The following COL28A1 variants were observed in gnomAD, a reference collection of about 807,000 sequenced individuals.
The protein encoded by COL28A1 is collagen type XXVIII alpha 1 chain, also known as collagen alpha-1(XXVIII) chain.
Under a neutral mutation model 150.2 loss-of-function variants are expected in COL28A1, and 161 were observed. The observed-to-expected ratio is 1.07, with a 90% CI of 0.94 to 1.22. The LOEUF (loss-of-function observed/expected upper bound fraction) is 1.22, where lower values mean the gene tolerates loss of function less well. Ranked by LOEUF, COL28A1 falls within the 50% of genes most tolerant of loss-of-function variation. The pLI is 0.00. For synonymous variants in COL28A1, 552 were observed against 469.7 expected (o/e 1.18, Z -2.26); for missense variants, 1,617 against 1,388.3 (o/e 1.16, Z -2.62).
At chr7:7,482,934 G>T (rs1007721619) in intron 13 of COL28A1, among the ~76,000 whole-genome samples, 11 of 152,188 alleles carry the variant, frequency 7.2e-5, no homozygotes, top group African/African-American at 2.7e-4. Flanking sequence ...TGTGTGGTGG[G>T]AAGAAGGCTA....
intron 4 of COL28A1, among the ~76,000 whole-genome samples, chr7:7,523,623 G>A (rs2115213511): frequency 6.6e-6 from 1 of 152,278 alleles, no homozygotes; most frequent in East Asian, 1.9e-4. Flanking sequence ...ACAAAGCTCA[G>A]ATGTTCCAAA....
At position 7,381,539 on chromosome 7, in the gene COL28A1, C is replaced by T. The variant is rs1004305202; in HGVS notation, c.2205+5G>A. On this transcript the variant is annotated splice_donor_5th_base_variant and intron_variant, in intron 28 of 34. Coordinates refer to ENST00000399429, the MANE Select transcript of COL28A1 (RefSeq NM_001037763.3). The stretch of plus-strand genomic sequence containing the variant: ...AGCATTTCTCTAAGATCCTGAGACA[C>T]TTACCTTCTGGCCTGGGAGGCCATG... The T allele has an allele frequency of 3.1e-6, 5 of 1,611,520 alleles. No homozygotes were observed. The African/African-American group carries it at 5.3e-5, about 17-fold the overall frequency.
the COL28A1 span, among the ~76,000 whole-genome samples, chr7:7,340,114 T>C: frequency 3.3e-5 from 5 of 151,896 alleles, no homozygotes; most frequent in Non-Finnish European, 2.9e-5. Context: ...CCTCAGCCTC[T>C]GGAGTAGCTG....
chr7:7,463,325 T>C (rs1787791622), intron 15 of COL28A1, among the ~76,000 whole-genome samples: 2 of 152,218 alleles, frequency 1.3e-5, no homozygotes, highest in African/African-American at 2.4e-5. Flanking sequence ...TTTAATAACA[T>C]ATTATATCGA....
chr7:7,413,504 G>C (rs990363532), intron 27 of COL28A1, among the ~76,000 whole-genome samples: 6 of 152,150 alleles, frequency 3.9e-5, no homozygotes, highest in African/African-American at 1.4e-4. Flanking sequence ...CGCGCAACTA[G>C]TTCTCACCAA....
In COL28A1 at chr7:7,531,600, T is replaced by A. The variant is rs759650437; in HGVS notation, c.429A>T (p.Leu143=). The change falls in exon 3 of 35, where the codon CTA becomes CTT. Residue 143 remains leucine, a synonymous_variant. Coordinates refer to ENST00000399429, the MANE Select transcript of COL28A1 (RefSeq NM_001037763.3). ...CATCCTTACGCCCTTCTCTCTTAAGTAGCCTAGTGGCATTGGAAATGGCAT... is the reference window on the plus strand; with the variant it reads ...CATCCTTACGCCCTTCTCTCTTAAGAAGCCTAGTGGCATTGGAAATGGCAT... ...SYYAISNATR[L]LKREGRKDGV... 8.1e-6 allele frequency: 13 copies of A among 1,605,048 alleles called. No individual in the cohort carries two copies. The Admixed American group carries it at 1.0e-4, about 12-fold the overall frequency.
chr7:7,343,023 A>C, the COL28A1 span, among the ~76,000 whole-genome samples: 2 of 152,062 alleles, frequency 1.3e-5, no homozygotes, highest in Non-Finnish European at 2.9e-5. Flanking sequence ...CTTCCAAAAC[A>C]TGAAAGATAC....
intron 20 of COL28A1, among the ~76,000 whole-genome samples, chr7:7,442,223 T>C (rs569740404): frequency 6.6e-6 from 1 of 152,316 alleles, no homozygotes; most frequent in East Asian, 1.9e-4. Flanking sequence ...ATACCACCCA[T>C]TGCTTTCATC....
intron 23 of COL28A1, 82 bp downstream of exon 23, chr7:7,436,313 G>T: frequency 2.4e-6 from 2 of 831,962 alleles, no homozygotes; most frequent in South Asian, 2.7e-5. Context: ...AACCTCACAA[G>T]TAGAAAAATC....
intron 14 of COL28A1, among the ~76,000 whole-genome samples, chr7:7,476,564 A>C (rs528253749): frequency 6.6e-6 from 1 of 152,342 alleles, no homozygotes; most frequent in South Asian, 2.1e-4. Flanking sequence ...CTGCCCCTTT[A>C]CAGAAAAAGT....
chr7:7,405,167 C>T (rs767591193), intron 27 of COL28A1, among the ~76,000 whole-genome samples: 14 of 152,174 alleles, frequency 9.2e-5, no homozygotes, highest in South Asian at 2.1e-4. Flanking sequence ...GATTTTAAAA[C>T]TTGTATATGA....
intron 31 of COL28A1, among the ~76,000 whole-genome samples, chr7:7,374,637 C>A (rs1781450206): frequency 6.6e-6 from 1 of 152,146 alleles, no homozygotes; most frequent in African/African-American, 2.4e-5. Flanking sequence ...TTTCTTTATT[C>A]ATATCTTCCT....
chr7:7,460,889 A>C (rs746768075), intron 15 of COL28A1, among the ~76,000 whole-genome samples: 15 of 152,148 alleles, frequency 9.9e-5, no homozygotes, highest in Non-Finnish European at 1.9e-4. Flanking sequence ...AGATTTGGAG[A>C]TCATCGTGGA....
intron 21 of COL28A1, among the ~76,000 whole-genome samples, chr7:7,439,211 G>A (rs1785569724): frequency 6.6e-6 from 1 of 152,124 alleles, no homozygotes; most frequent in African/African-American, 2.4e-5. Context: ...CAGAGCTGAA[G>A]CCTCCCGCTG....
At chr7:7,381,485 A>C in intron 28 of COL28A1, 59 bp downstream of exon 28, 1 of 1,236,764 alleles carries the variant, frequency 8.1e-7, no homozygotes, top group Admixed American at 1.8e-5. Flanking sequence ...TTCCAAAGTT[A>C]AAGTTAAGCT....
At chr7:7,384,016 A>T (rs1782042612) in intron 27 of COL28A1, among the ~76,000 whole-genome samples, 2 of 152,194 alleles carry the variant, frequency 1.3e-5, no homozygotes, top group Non-Finnish European at 2.9e-5. Flanking sequence ...CTCACGGCAC[A>T]TTGGCTTGAC....
At chr7:7,434,210 C>T (rs769982048) in intron 23 of COL28A1, among the ~76,000 whole-genome samples, 2 of 152,218 alleles carry the variant, frequency 1.3e-5, no homozygotes, top group East Asian at 1.9e-4. Flanking sequence ...AAAAATTTAA[C>T]CTACTATTCA....
At position 7,357,966 on chromosome 7, in the gene COL28A1, T is replaced by A; in HGVS notation, c.*667A>T. The A allele has an allele frequency of 6.6e-6, 1 of 152,148 alleles. No individual in the cohort carries two copies. Among genetic ancestry groups the A allele is most frequent in the South Asian group, 2.1e-4 (1 of 4,834 alleles). The allele number at this position is 152,148 out of a possible 1,614,324, so 9.4% of individuals were successfully genotyped here. On this transcript the variant is annotated 3_prime_UTR_variant, in exon 35 of 35. Transcript: ENST00000399429. ...TAATGGAAGGGTATAAAAACCTTCT[T>A]TGTTTTAACATACATTAAACACTTG...
chr7:7,517,103 G>A (rs1227780182), intron 7 of COL28A1, among the ~76,000 whole-genome samples: 1 of 152,100 alleles, frequency 6.6e-6, no homozygotes, highest in African/African-American at 2.4e-5. Context: ...ACAAATTTCA[G>A]ATTTTTTGTT....
Sources: gnomAD v4.1 joint callset for allele counts (sites outside exome capture counted in the v4.1 genomes callset) on GRCh38, gnomAD v4.1.1 for gene constraint, MANE v1.5 for transcripts, NCBI Gene and HGNC (gene_info 2026-07-23, HGNC 2026-07-21) for gene names.